PPP1R14C: variants seen among roughly 807,000 people sequenced by gnomAD.
PPP1R14C encodes protein phosphatase 1 regulatory subunit 14C.
PPP1R14C carries 16 observed loss-of-function variants against 20.4 expected under a neutral mutation model. That is an observed-to-expected ratio of 0.78 (90% CI 0.53 to 1.19). The LOEUF (loss-of-function observed/expected upper bound fraction) is 1.19. PPP1R14C is among the 50% of genes most tolerant of loss of function. The pLI is 0.00. For missense variants in PPP1R14C, 211 were observed against 220.1 expected (o/e 0.96, Z 0.26); for synonymous variants, 91 against 91.0 (o/e 1.00, Z 0.00).
At chr6:150,175,185 C>G (rs949033937) in intron 1 of PPP1R14C, among the ~76,000 whole-genome samples, 9 of 152,066 alleles carry the variant, frequency 5.9e-5, no homozygotes, top group Non-Finnish European at 1.3e-4. Context: ...TCCTTTCATC[C>G]TCTTAATAAA....
chr6:150,175,521 T>C (rs1039606740), intron 1 of PPP1R14C, among the ~76,000 whole-genome samples: 6 of 152,248 alleles, frequency 3.9e-5, no homozygotes, highest in African/African-American at 1.4e-4. Flanking sequence ...TTATGACTAG[T>C]TAGTAATTTC....
chr6:150,188,041 A>G (rs1394963654), intron 1 of PPP1R14C, among the ~76,000 whole-genome samples: 6 of 152,242 alleles, frequency 3.9e-5, no homozygotes, highest in Non-Finnish European at 8.8e-5. Flanking sequence ...AATGTAAAAA[A>G]ACTGAAGTAG....
rs761546905 is a variant in PPP1R14C at position 150,237,454 on chromosome 6, C to T, written c.424-11292C>T. Among the ~76,000 whole-genome samples the T allele has an allele frequency of 1.7e-4, 26 of 152,196 alleles. No homozygotes were observed. In the Middle Eastern group the frequency reaches 0.024, roughly 139 times the overall value. On this transcript the variant is annotated intron_variant, in intron 3 of 3. Transcript: ENST00000361131. ...CCAACCTCAGGTGATCTGCTTGCCT[C>T]GGCCTCCCACAGTGCTGGGATTACA...
rs528907369 is a variant in PPP1R14C at position 150,157,591 on chromosome 6, G to A, written c.306+14093G>A. Among the ~76,000 whole-genome samples the A allele has an allele frequency of 4.6e-5, 7 of 151,310 alleles. No homozygotes were observed. The South Asian group carries it at 1.5e-3, about 31-fold the overall frequency. ...GAGCCTTATTTGGCTCATGATTCTG[G>A]AGGCTGGGGAGTCCCAGAAGCATGG... On this transcript the variant is annotated intron_variant, in intron 1 of 3. Coordinates refer to ENST00000361131, the MANE Select transcript of PPP1R14C (RefSeq NM_030949.3).
In PPP1R14C at chr6:150,229,563, A is replaced by G. The variant is rs145406752; in HGVS notation, c.423+12707A>G. 9.2e-5 allele frequency among the ~76,000 whole-genome samples: 14 copies of G among 152,326 alleles called. No individual in the cohort carries two copies. The East Asian group carries it at 2.5e-3, about 27-fold the overall frequency. On this transcript the variant is annotated intron_variant, in intron 3 of 3. Coordinates refer to ENST00000361131, the MANE Select transcript of PPP1R14C (RefSeq NM_030949.3). ...AAAAAAATAAATTAGCCCAAGAACAATGGACTGAATCTATAAAATAGATTA... is the reference window on the plus strand; with the variant it reads ...AAAAAAATAAATTAGCCCAAGAACAGTGGACTGAATCTATAAAATAGATTA...
chr6:150,160,553 G>T lies in PPP1R14C; in HGVS notation c.306+17055G>T, dbSNP rs759616678. Among the ~76,000 whole-genome samples the T allele has an allele frequency of 3.3e-5, 5 of 151,928 alleles. 1 individual carries two copies. The highest frequency in any genetic ancestry group is 6.8e-3 in the Middle Eastern group (2 of 294). Reference sequence around the variant, plus strand: ...CTCCCAAAGTGCTGGGATTACAGACGTGAGCCACCGCGCCCAGTAGCTCAT... The same window carrying T: ...CTCCCAAAGTGCTGGGATTACAGACTTGAGCCACCGCGCCCAGTAGCTCAT... On this transcript the variant is annotated intron_variant, in intron 1 of 3. Transcript: ENST00000361131.
chr6:150,236,784 G>A (rs1284945622), intron 3 of PPP1R14C, among the ~76,000 whole-genome samples: 2 of 152,168 alleles, frequency 1.3e-5, no homozygotes, highest in Non-Finnish European at 2.9e-5. Context: ...CACAGTCTGG[G>A]TGGCTCTGGA....
At chr6:150,225,055 C>A (rs938299823) in intron 3 of PPP1R14C, among the ~76,000 whole-genome samples, 1 of 151,820 alleles carries the variant, frequency 6.6e-6, no homozygotes, top group African/African-American at 2.4e-5. Context: ...TATTTCCCTT[C>A]CCCCAGGTCA....
rs1357685567 is a variant in PPP1R14C at position 150,227,956 on chromosome 6, G to T, written c.423+11100G>T. On this transcript the variant is annotated intron_variant, in intron 3 of 3. Coordinates refer to ENST00000361131, the MANE Select transcript of PPP1R14C (RefSeq NM_030949.3). ...TCACATACTTTCATTAGGATTCTAT[G>T]CACCAGACCTCATCTGCCCCAGGTA... Among the ~76,000 whole-genome samples the T allele has an allele frequency of 2.0e-5, 3 of 152,148 alleles. No individual in the cohort carries two copies. In the East Asian group the frequency reaches 5.8e-4, roughly 29 times the overall value.
At chr6:150,220,108 G>C (rs935990176) in intron 3 of PPP1R14C, among the ~76,000 whole-genome samples, 8 of 152,282 alleles carry the variant, frequency 5.3e-5, no homozygotes, top group African/African-American at 1.9e-4. Flanking sequence ...ACCCACCTTG[G>C]CCTTCCAAAG....
At chr6:150,182,548 A>G (rs1777633674) in intron 1 of PPP1R14C, among the ~76,000 whole-genome samples, 1 of 152,128 alleles carries the variant, frequency 6.6e-6, no homozygotes, top group Non-Finnish European at 1.5e-5. Context: ...TGTCATCACT[A>G]TGGGGGTTAG....
At chr6:150,173,887 A>G (rs990999370) in intron 1 of PPP1R14C, among the ~76,000 whole-genome samples, 1 of 151,974 alleles carries the variant, frequency 6.6e-6, no homozygotes, top group Non-Finnish European at 1.5e-5. Context: ...CGCCATTCCC[A>G]GGATCCCCCA....
intron 1 of PPP1R14C, among the ~76,000 whole-genome samples, chr6:150,188,684 C>T (rs1777706605): frequency 6.7e-6 from 1 of 150,040 alleles, no homozygotes; most frequent in Admixed American, 6.7e-5. Context: ...GACAGGGTTT[C>T]ACCATGTTAG....
chr6:150,174,423 A>G (rs147963942), intron 1 of PPP1R14C, among the ~76,000 whole-genome samples: 24,733 of 148,998 alleles, frequency 0.17, 2,373 homozygotes, highest in South Asian at 0.34. Context: ...TCACCGTGTT[A>G]GCCAGGATGG....
intron 1 of PPP1R14C, among the ~76,000 whole-genome samples, chr6:150,177,881 C>G (rs561522225): frequency 1.3e-5 from 2 of 152,164 alleles, no homozygotes; most frequent in East Asian, 3.9e-4. Context: ...GAGGCCCCGT[C>G]GTCAGGCAAG....
At chr6:150,223,244 C>T (rs1362410796) in intron 3 of PPP1R14C, among the ~76,000 whole-genome samples, 2 of 152,194 alleles carry the variant, frequency 1.3e-5, no homozygotes, top group Non-Finnish European at 2.9e-5. Flanking sequence ...TCCATTCATT[C>T]ACCTACTGAA....
intron 3 of PPP1R14C, among the ~76,000 whole-genome samples, chr6:150,240,418 C>G (rs11968052): frequency 0.49 from 75,111 of 152,118 alleles, 20,462 homozygotes; most frequent in African/African-American, 0.74. Context: ...GCCCCACAGA[C>G]TGGGAGTGGG....
chr6:150,157,156 C>T (rs1777314679), intron 1 of PPP1R14C, among the ~76,000 whole-genome samples: 2 of 152,202 alleles, frequency 1.3e-5, no homozygotes, highest in Admixed American at 1.3e-4. Context: ...TTACTATAAA[C>T]TCTGAAGGAA....
At chr6:150,204,186 G>C (rs1387760806) in intron 1 of PPP1R14C, among the ~76,000 whole-genome samples, 2 of 152,226 alleles carry the variant, frequency 1.3e-5, no homozygotes, top group Non-Finnish European at 2.9e-5. Flanking sequence ...CCACGGCTTA[G>C]AAGATTGTCC....
Sources: allele counts gnomAD v4.1 joint callset (sites outside exome capture counted in the v4.1 genomes callset), GRCh38; gene constraint gnomAD v4.1.1; transcripts MANE v1.5; gene names NCBI Gene and HGNC (gene_info 2026-07-23, HGNC 2026-07-21).